Variants in DPP10 observed in about 807,000 individuals in gnomAD.
DPP10 encodes dipeptidyl peptidase like 10.
DPP10 carries 33 observed loss-of-function variants against 120.9 expected under a neutral mutation model. The ratio of observed to expected loss-of-function variants is 0.27; its 90% CI spans 0.21 to 0.37. The LOEUF is 0.37. DPP10 is among the 10% of genes least tolerant of loss of function. DPP10 has a pLI of 1.00. For synonymous variants in DPP10, 337 were observed against 326.1 expected (o/e 1.03, Z -0.36); for missense variants, 816 against 942.8 (o/e 0.87, Z 1.76).
At chr2:114,829,627 T>G (rs1040359612) in intron 1 of DPP10, among the ~76,000 whole-genome samples, 1 of 151,788 alleles carries the variant, frequency 6.6e-6, no homozygotes, top group Admixed American at 6.6e-5. Context: ...TCCTCCCGTC[T>G]CAGCCTCCCA....
chr2:114,867,213 CAG>C (rs1375784838), intron 1 of DPP10, among the ~76,000 whole-genome samples: 1 of 152,132 alleles, frequency 6.6e-6, no homozygotes, highest in African/African-American at 2.4e-5. Context: ...CTGGGTTGTA[CAG>C]AACTTTTAGC....
chr2:115,721,498 A>G (rs567180546), intron 7 of DPP10, among the ~76,000 whole-genome samples: 7 of 152,334 alleles, frequency 4.6e-5, no homozygotes, highest in African/African-American at 1.4e-4. Context: ...ATAAACTTGT[A>G]TAAGTCATGT....
At chr2:114,898,044 C>G (rs538424730) in intron 1 of DPP10, among the ~76,000 whole-genome samples, 1 of 152,322 alleles carries the variant, frequency 6.6e-6, no homozygotes, top group East Asian at 1.9e-4. Flanking sequence ...AAGACACATG[C>G]ACACGTATGT....
At chr2:115,767,826 TTATCA>T (rs1218521799) in intron 12 of DPP10, among the ~76,000 whole-genome samples, 2 of 152,132 alleles carry the variant, frequency 1.3e-5, no homozygotes, top group Non-Finnish European at 2.9e-5. Flanking sequence ...TATGAATACA[TTATCA>T]GAAAAGAATC....
intron 5 of DPP10, among the ~76,000 whole-genome samples, chr2:115,631,238 T>C (rs2085845869): frequency 6.6e-6 from 1 of 152,014 alleles, no homozygotes. Flanking sequence ...CTCTGATGAT[T>C]GTTTGTATTT....
chr2:114,595,279 A>C (rs146917530), intron 1 of DPP10, among the ~76,000 whole-genome samples: 35 of 152,190 alleles, frequency 2.3e-4, no homozygotes, highest in East Asian at 7.8e-4. Flanking sequence ...ACAACAACAA[A>C]AAAAAGATGC....
rs545834967 is a variant in DPP10 at position 115,180,411 on chromosome 2, A to G, written c.61-128828A>G. 2.0e-3 allele frequency among the ~76,000 whole-genome samples: 302 copies of G among 152,264 alleles called. 2 individuals carry two copies. Among genetic ancestry groups the G allele is most frequent in the African/African-American group, 7.0e-3 (289 of 41,550 alleles). ...CATATTCGTACCTAAAATTTGGGTA[A>G]TGGTACCATTTGATTCTATCATAAG... On this transcript the variant is annotated intron_variant, in intron 1 of 25. Transcript: ENST00000410059.
At chr2:114,999,223 T>C (rs1701283760) in intron 1 of DPP10, among the ~76,000 whole-genome samples, 2 of 152,040 alleles carry the variant, frequency 1.3e-5, no homozygotes, top group African/African-American at 4.8e-5. Context: ...AGTGAATGAG[T>C]GGAGAGAGCA....
chr2:114,768,161 A>G (rs1009947651), intron 1 of DPP10, among the ~76,000 whole-genome samples: 34 of 152,044 alleles, frequency 2.2e-4, no homozygotes, highest in African/African-American at 6.3e-4. Flanking sequence ...TCAGAGAAAA[A>G]AAAAAATCAA....
chr2:114,895,560 T>C (rs1040049420), intron 1 of DPP10, among the ~76,000 whole-genome samples: 2 of 152,192 alleles, frequency 1.3e-5, no homozygotes, highest in African/African-American at 2.4e-5. Flanking sequence ...TTCACTGGCA[T>C]TGGGAGATCT....
At chr2:115,409,207 C>T (rs1470333565) in intron 3 of DPP10, among the ~76,000 whole-genome samples, 3 of 152,080 alleles carry the variant, frequency 2.0e-5, no homozygotes, top group Non-Finnish European at 4.4e-5. Flanking sequence ...ATTCCAATAA[C>T]TGTGAAAAAC....
At chr2:114,686,165 A>G (rs1252665065) in intron 1 of DPP10, among the ~76,000 whole-genome samples, 3 of 151,980 alleles carry the variant, frequency 2.0e-5, no homozygotes, top group Non-Finnish European at 4.4e-5. Context: ...CACTCTGATT[A>G]TAGCCTCAGA....
intron 5 of DPP10, among the ~76,000 whole-genome samples, chr2:115,675,838 A>G (rs1224526316): frequency 6.6e-6 from 1 of 152,178 alleles, no homozygotes. Context: ...TCACCATCAG[A>G]GTACATCCTT....
At chr2:114,839,248 GAT>G (rs1451148476) in intron 1 of DPP10, among the ~76,000 whole-genome samples, 1 of 152,136 alleles carries the variant, frequency 6.6e-6, no homozygotes, top group African/African-American at 2.4e-5. Context: ...GTGTGAAAGA[GAT>G]AGATTTAAGT....
At chr2:114,491,869 G>A (rs1216337702) in intron 1 of DPP10, among the ~76,000 whole-genome samples, 1 of 152,186 alleles carries the variant, frequency 6.6e-6, no homozygotes, top group African/African-American at 2.4e-5. Context: ...GAACTGATAA[G>A]CATGGTGGTG....
intron 7 of DPP10, among the ~76,000 whole-genome samples, chr2:115,693,745 G>T (rs1032431911): frequency 4.6e-5 from 7 of 152,182 alleles, no homozygotes; most frequent in Admixed American, 3.9e-4. Flanking sequence ...AAGCCATATT[G>T]CAGGTGATTA....
intron 1 of DPP10, among the ~76,000 whole-genome samples, chr2:115,168,566 T>G (rs2053078013): frequency 6.6e-6 from 1 of 152,234 alleles, no homozygotes; most frequent in African/African-American, 2.4e-5. Flanking sequence ...CCACAAGTTT[T>G]CTGGCAATAA....
chr2:114,509,854 G>A (rs1024407564), intron 1 of DPP10, among the ~76,000 whole-genome samples: 2 of 152,218 alleles, frequency 1.3e-5, no homozygotes, highest in Non-Finnish European at 2.9e-5. Flanking sequence ...AAGTAAAGTT[G>A]AGAGAAATAG....
chr2:115,300,926 G>C (rs1047513615), intron 1 of DPP10, among the ~76,000 whole-genome samples: 1 of 151,756 alleles, frequency 6.6e-6, no homozygotes, highest in Non-Finnish European at 1.5e-5. Context: ...TTGAAAATTG[G>C]GTGTCTGAAA....
Sources: gnomAD v4.1 joint callset for allele counts (sites outside exome capture counted in the v4.1 genomes callset) on GRCh38, gnomAD v4.1.1 for gene constraint, MANE v1.5 for transcripts, NCBI Gene and HGNC (gene_info 2026-07-23, HGNC 2026-07-21) for gene names.